GALNT18: variants seen among roughly 807,000 people sequenced by gnomAD.
GALNT18 encodes GalNAc-transferase 18.
A neutral mutation model predicts 69.5 loss-of-function variants in GALNT18; 44 were observed. The ratio of observed to expected loss-of-function variants is 0.63; its 90% CI spans 0.50 to 0.81. The LOEUF (loss-of-function observed/expected upper bound fraction) is 0.81, where lower values mean the gene tolerates loss of function less well. Among genes scored for constraint, GALNT18 ranks in the 40% least tolerant of loss-of-function variants. GALNT18 has a pLI of 0.00. For synonymous variants in GALNT18, 364 were observed against 318.2 expected, an observed-to-expected ratio of 1.14 and a Z score of -1.53; for missense variants, 715 against 810.0, an observed-to-expected ratio of 0.88 and a Z score of 1.42.
rs1377331452 is a variant in GALNT18 at position 11,340,335 on chromosome 11, T to A, written c.1278+484A>T. Among the ~76,000 whole-genome samples the A allele has an allele frequency of 2.0e-5, 2 of 102,100 alleles. No homozygotes were observed. The highest frequency in any genetic ancestry group is 8.7e-5 in the African/African-American group (2 of 23,012). The allele number at this position is 102,100 out of a possible 152,430, so 67.0% of individuals were successfully genotyped here. A position where few individuals can be genotyped will look rare whatever the true frequency, so the allele number is the denominator to read the frequency against. ...CCCTGTAGGTGTGCCCCCATCCCCA[T>A]ACACGTGGCTCAAGAAACCTGAAAG... On this transcript the variant is annotated intron_variant, in intron 7 of 10. Transcript: ENST00000227756. The surrounding 1 kb of genome is among the most constrained non-coding windows in gnomAD (Gnocchi z 4.2).
Position 11,497,814 on chromosome 11 carries a change from A to G in GALNT18, c.236-48878T>C, listed in dbSNP as rs528629532. Among the ~76,000 whole-genome samples, 26 of 151,934 alleles carry G rather than the reference A, an allele frequency of 1.7e-4. No individual in the cohort carries two copies. In the South Asian group the frequency reaches 5.2e-3, roughly 30 times the overall value. The stretch of plus-strand genomic sequence containing the variant: ...CAAACCATAAACACTATTTCAACTT[A>G]AAATATTTCATGCTAATATTTTGGT... On this transcript the variant is annotated intron_variant, in intron 1 of 10. Transcript: ENST00000227756. This position sits in a 1 kb window ranked among gnomAD's most constrained non-coding sequence, Gnocchi z 4.2.
In GALNT18 at chr11:11,308,220, G is replaced by A. The variant is rs73417660; in HGVS notation, c.1513-15027C>T. On this transcript the variant is annotated intron_variant, in intron 9 of 10. Coordinates refer to ENST00000227756, the MANE Select transcript of GALNT18 (RefSeq NM_198516.3). ...CTGGCGTGGCAGGAAGAACCTCGCC[G>A]TGTAAGCGATGGTGGAAATCACATA... 8.9e-3 allele frequency among the ~76,000 whole-genome samples: 1,349 copies of A among 152,280 alleles called. 17 individuals are homozygous for A. Among genetic ancestry groups the A allele is most frequent in the African/African-American group, 0.03 (1,231 of 41,554 alleles).
rs1004240159 is a variant in GALNT18 at position 11,604,100 on chromosome 11, G to A, written c.235+17259C>T. 9.9e-5 allele frequency among the ~76,000 whole-genome samples: 15 copies of A among 152,246 alleles called. No homozygotes were observed. Among genetic ancestry groups the A allele is most frequent in the East Asian group, 1.9e-4 (1 of 5,176 alleles). ...TGGGCCCTCACCAAACACAGAATCC[G>A]CTATGCCTTAATTTTGGACTTCCCA... On this transcript the variant is annotated intron_variant, in intron 1 of 10. Coordinates refer to ENST00000227756, the MANE Select transcript of GALNT18 (RefSeq NM_198516.3). The surrounding 1 kb of genome is among the most constrained non-coding windows in gnomAD (Gnocchi z 5.6).
At chr11:11,278,115 A>G (rs1848987288) in intron 10 of GALNT18, among the ~76,000 whole-genome samples, 1 of 152,032 alleles carries the variant, frequency 6.6e-6, no homozygotes, top group Non-Finnish European at 1.5e-5. Flanking sequence ...AAAGTCTCCC[A>G]CTATTATTGT....
At chr11:11,507,637 C>A (rs149529044) in intron 1 of GALNT18, among the ~76,000 whole-genome samples, 2 of 152,176 alleles carry the variant, frequency 1.3e-5, no homozygotes, top group Non-Finnish European at 2.9e-5. Flanking sequence ...TATTCCCTTT[C>A]TATAGGAGTA....
chr11:11,412,829 A>G (rs952790112), intron 3 of GALNT18, among the ~76,000 whole-genome samples: 11 of 152,146 alleles, frequency 7.2e-5, no homozygotes, highest in South Asian at 2.1e-4. Context: ...ACTTTTGTCC[A>G]TGGGCTTCAT....
intron 10 of GALNT18, among the ~76,000 whole-genome samples, chr11:11,289,188 T>C (rs1849252642): frequency 6.6e-6 from 1 of 152,212 alleles, no homozygotes; most frequent in Non-Finnish European, 1.5e-5. Flanking sequence ...CGAGGAGAGA[T>C]TCCAGGTCAC....
chr11:11,364,963 T>C (rs1337188214), intron 6 of GALNT18, among the ~76,000 whole-genome samples: 1 of 151,136 alleles, frequency 6.6e-6, no homozygotes, highest in Admixed American at 6.6e-5. Flanking sequence ...TATCTCACTG[T>C]TTTTGTATAT....
intron 9 of GALNT18, among the ~76,000 whole-genome samples, chr11:11,307,322 C>T (rs1442369037): frequency 6.6e-6 from 1 of 152,162 alleles, no homozygotes; most frequent in African/African-American, 2.4e-5. Context: ...ATTTTATCCC[C>T]TCCTGATGGA....
intron 4 of GALNT18, 42 bp downstream of exon 4, chr11:11,379,039 G>A: frequency 3.3e-6 from 5 of 1,512,252 alleles, no homozygotes; most frequent in Non-Finnish European, 4.4e-6. Flanking sequence ...TGAAGCCCCA[G>A]ATCCCACTGG....
chr11:11,348,365 C>A (rs902238710), intron 6 of GALNT18, among the ~76,000 whole-genome samples: 12 of 112,046 alleles, frequency 1.1e-4, no homozygotes, highest in African/African-American at 4.3e-4. Flanking sequence ...GTGGCAAGAG[C>A]AAGACTTCGT....
At position 11,271,348 on chromosome 11, in the gene GALNT18, G is replaced by A. The variant is rs1848823164; in HGVS notation, c.1678-58C>T. On this transcript the variant is annotated intron_variant, in intron 10 of 10. Transcript: ENST00000227756. ...GCATAGAGGCAACATGCAGAAATTC[G>A]GGAGCCTCAGGCCAAGTGGCTGGTG... is the stretch of plus-strand genomic sequence containing the variant. 17 of 1,566,460 alleles carry A rather than the reference G, an allele frequency of 1.1e-5. 1 individual carries two copies. Among genetic ancestry groups the A allele is most frequent in the South Asian group, 3.4e-5 (3 of 88,618 alleles).
At chr11:11,428,874 C>T (rs1056076268) in intron 3 of GALNT18, among the ~76,000 whole-genome samples, 11 of 152,262 alleles carry the variant, frequency 7.2e-5, no homozygotes, top group African/African-American at 2.6e-4. Flanking sequence ...TCTTAAAAGT[C>T]GTGTTCCCAT....
chr11:11,276,840 C>T (rs1848960488), intron 10 of GALNT18, among the ~76,000 whole-genome samples: 1 of 152,170 alleles, frequency 6.6e-6, no homozygotes, highest in African/African-American at 2.4e-5. Flanking sequence ...TTGAACCAGC[C>T]TCGCAGCCCA....
At chr11:11,330,668 G>A (rs1444797874) in intron 8 of GALNT18, among the ~76,000 whole-genome samples, 1 of 152,250 alleles carries the variant, frequency 6.6e-6, no homozygotes, top group African/African-American at 2.4e-5. Flanking sequence ...GACTCAGACA[G>A]ATCTAGATCA....
intron 1 of GALNT18, among the ~76,000 whole-genome samples, chr11:11,594,919 G>A (rs925554374): frequency 7.3e-5 from 5 of 68,762 alleles, no homozygotes; most frequent in Admixed American, 2.0e-4. Flanking sequence ...AAATATGCGT[G>A]TGTGTATATA....
At position 11,606,009 on chromosome 11, in the gene GALNT18, G is replaced by A. The variant is rs755635645; in HGVS notation, c.235+15350C>T. Among the ~76,000 whole-genome samples the A allele has an allele frequency of 7.9e-5, 12 of 152,170 alleles. No homozygotes were observed. The highest frequency in any genetic ancestry group is 1.3e-4 in the Non-Finnish European group (9 of 68,026). ...GCTATGAGAGAGACCCCAGAAGCATGAGCGTTCCTGTCCCTGACCCAAAAG... is the reference window on the plus strand; with the variant it reads ...GCTATGAGAGAGACCCCAGAAGCATAAGCGTTCCTGTCCCTGACCCAAAAG... On this transcript the variant is annotated intron_variant, in intron 1 of 10. Transcript: ENST00000227756. The surrounding 1 kb of genome is among the most constrained non-coding windows in gnomAD (Gnocchi z 5.4).
At chr11:11,576,427 T>A (rs1019282022) in intron 1 of GALNT18, among the ~76,000 whole-genome samples, 4 of 152,212 alleles carry the variant, frequency 2.6e-5, no homozygotes, top group Non-Finnish European at 4.4e-5. Flanking sequence ...CAGGTGCAGA[T>A]ATAAGAGAGG....
chr11:11,468,386 C>T (rs979456478), intron 1 of GALNT18, among the ~76,000 whole-genome samples: 5 of 152,202 alleles, frequency 3.3e-5, no homozygotes, highest in South Asian at 2.1e-4. Flanking sequence ...GTCCCCAGGC[C>T]CCCACTGGTG....
Sources: allele counts gnomAD v4.1 joint callset (sites outside exome capture counted in the v4.1 genomes callset), GRCh38; gene constraint gnomAD v4.1.1; non-coding constraint Gnocchi (gnomAD v3.1); transcripts MANE v1.5; gene names NCBI Gene and HGNC (gene_info 2026-07-23, HGNC 2026-07-21).